Variants in CNGB3 observed in about 807,000 individuals in gnomAD.
The protein encoded by CNGB3 is cyclic nucleotide-gated channel beta-3.
In CNGB3, 86 loss-of-function variants were observed where a neutral mutation model predicts 92.8. That is an observed-to-expected ratio of 0.93 (90% CI 0.78 to 1.11). CNGB3 has a LOEUF of 1.11. Among genes scored for constraint, CNGB3 ranks in the 50% least tolerant of loss-of-function variants. CNGB3 has a pLI of 0.00. For synonymous variants in CNGB3, 333 were observed against 332.7 expected, an observed-to-expected ratio of 1.00 and a Z score of -0.01; for missense variants, 1,026 against 956.8, an observed-to-expected ratio of 1.07 and a Z score of -0.95.
rs112531647 is a variant in CNGB3, at chr8:86,740,697, C to T, written c.130-961G>A. 5.1e-3 allele frequency among the ~76,000 whole-genome samples: 778 copies of T among 152,208 alleles called. 4 individuals are homozygous for T. The highest frequency in any genetic ancestry group is 0.018 in the African/African-American group (738 of 41,518). ...TTATAAGCCTTGTGTTTCATAGAAG[C>T]ATTTTAAACTAAAAAATAAATTAAT... is the stretch of plus-strand genomic sequence containing the variant. On this transcript the variant is annotated intron_variant, in intron 1 of 17. Coordinates refer to ENST00000320005, the MANE Select transcript of CNGB3 (RefSeq NM_019098.5).
chr8:86,604,307 TAA>T, intron 14 of CNGB3, 96 bp from the exon 15 acceptor site: 1 of 786,450 alleles, frequency 1.3e-6, no homozygotes, highest in Non-Finnish European at 2.1e-6. Flanking sequence ...GGAGTAAATA[TAA>T]ATGAAGGAAG....
intron 3 of CNGB3, among the ~76,000 whole-genome samples, chr8:86,677,341 G>T (rs1054043053): frequency 3.3e-5 from 5 of 152,214 alleles, no homozygotes; most frequent in African/African-American, 9.6e-5. Context: ...AGTTGTAAGA[G>T]AAATAGCAAT....
chr8:86,618,308 CT>C (rs1468617942), intron 13 of CNGB3, among the ~76,000 whole-genome samples: 1 of 152,144 alleles, frequency 6.6e-6, no homozygotes, highest in African/African-American at 2.4e-5. Flanking sequence ...GTGGGGACCC[CT>C]GATCTAATCA....
chr8:86,660,035 A>T, intron 6 of CNGB3: 1 of 336,442 alleles, frequency 3.0e-6, no homozygotes, highest in Non-Finnish European at 6.1e-6. Context: ...CATGCTAGTG[A>T]GACTGGCACC....
chr8:86,643,187 T>C (rs1035729442), intron 10 of CNGB3, among the ~76,000 whole-genome samples: 3 of 151,268 alleles, frequency 2.0e-5, no homozygotes, highest in African/African-American at 7.3e-5. Context: ...TTTAAAAATG[T>C]ATTGACTTAC....
In CNGB3 at chr8:86,743,367, C is replaced by T. The variant is rs540552828; in HGVS notation, c.129+132G>A. Reference sequence around the variant, plus strand: ...ATATATAAATTAATGAAGATAAGCCCGACACAGTACATGTACCAGATGGTG... The same window carrying T: ...ATATATAAATTAATGAAGATAAGCCTGACACAGTACATGTACCAGATGGTG... On this transcript the variant is annotated intron_variant, in intron 1 of 17. Coordinates refer to ENST00000320005, the MANE Select transcript of CNGB3 (RefSeq NM_019098.5). The T allele has an allele frequency of 3.0e-5, 29 of 966,404 alleles. No homozygotes were observed. The African/African-American group carries it at 3.2e-4, about 11-fold the overall frequency. 59.9% of individuals were successfully genotyped at this position (966,404 alleles called of 1,614,324 possible).
At chr8:86,635,236 G>A (rs1005213359) in intron 10 of CNGB3, among the ~76,000 whole-genome samples, 1 of 151,870 alleles carries the variant, frequency 6.6e-6, no homozygotes, top group African/African-American at 2.4e-5. Flanking sequence ...TTGGTCACCG[G>A]TTTTGGACCT....
rs778832930 is a variant in CNGB3 at position 86,726,554 on chromosome 8, G to A, written c.315C>T (p.Asp105=). Reference sequence around the variant, plus strand: ...ACCTGTTTGGACCTTCTTTCCCGGGGTCCATTTCCTTCTGCTCTGGCACTG... The same window carrying A: ...ACCTGTTTGGACCTTCTTTCCCGGGATCCATTTCCTTCTGCTCTGGCACTG... ...TGTVPEQKEM[D]PGKEGPNSPQ... is the part of the protein sequence containing the mutation. The change falls in exon 3 of 18, where the codon GAC becomes GAT. Residue 105 remains aspartate, a synonymous_variant. Coordinates refer to ENST00000320005, the MANE Select transcript of CNGB3 (RefSeq NM_019098.5). The A allele has an allele frequency of 1.9e-6, 3 of 1,613,732 alleles. No homozygotes were observed. Among genetic ancestry groups the A allele is most frequent in the East Asian group, 4.5e-5 (2 of 44,878 alleles).
chr8:86,694,284 T>C (rs1824394707), intron 3 of CNGB3, among the ~76,000 whole-genome samples: 1 of 140,812 alleles, frequency 7.1e-6, no homozygotes, highest in Non-Finnish European at 1.5e-5. Context: ...GCTCCTCACT[T>C]CCCAGTAGGG....
At chr8:86,677,179 A>G (rs1365528679) in intron 3 of CNGB3, among the ~76,000 whole-genome samples, 1 of 152,214 alleles carries the variant, frequency 6.6e-6, no homozygotes, top group Non-Finnish European at 1.5e-5. Context: ...CCTTGAATTC[A>G]GGCTTCTAGC....
In CNGB3 at chr8:86,700,670, G is replaced by T. The variant is rs566094640; in HGVS notation, c.338+25861C>A. ...TTTTTATTTTTTGAGACAGAGTCTTGCTCTGACACCCAGGCTGGAGTGCAG... is the reference window on the plus strand; with the variant it reads ...TTTTTATTTTTTGAGACAGAGTCTTTCTCTGACACCCAGGCTGGAGTGCAG... On this transcript the variant is annotated intron_variant, in intron 3 of 17. Transcript: ENST00000320005. 2.4e-4 allele frequency among the ~76,000 whole-genome samples: 36 copies of T among 152,234 alleles called. No homozygotes were observed. In the East Asian group the frequency reaches 6.4e-3, roughly 27 times the overall value.
chr8:86,653,906 T>C, intron 7 of CNGB3, 106 bp downstream of exon 7: 1 of 811,428 alleles, frequency 1.2e-6, no homozygotes, highest in South Asian at 1.4e-5. Flanking sequence ...CATTGTCTAA[T>C]AAAACTTCGT....
chr8:86,677,811 A>C (rs1824004786), intron 3 of CNGB3, among the ~76,000 whole-genome samples: 1 of 152,188 alleles, frequency 6.6e-6, no homozygotes, highest in African/African-American at 2.4e-5. Flanking sequence ...GAGATATGTA[A>C]TGCCATCAAA....
intron 6 of CNGB3, chr8:86,660,899 G>A: frequency 3.0e-6 from 1 of 336,646 alleles, no homozygotes; most frequent in South Asian, 2.6e-5. Context: ...TTCTTCCCAG[G>A]CCTCTTAAGA....
intron 15 of CNGB3, among the ~76,000 whole-genome samples, chr8:86,593,016 G>A (rs1303687316): frequency 2.0e-5 from 3 of 152,172 alleles, no homozygotes; most frequent in Admixed American, 6.5e-5. Context: ...TTTGATCTTT[G>A]CAGATACTTT....
At chr8:86,660,921 C>T (rs1250843992) in intron 6 of CNGB3, 1 of 292,690 alleles carries the variant, frequency 3.4e-6, no homozygotes, top group East Asian at 8.9e-5. Context: ...ATACTCCTAC[C>T]CCAGAAAAGG....
chr8:86,622,885 C>A (rs1465184627), intron 13 of CNGB3, among the ~76,000 whole-genome samples: 1 of 152,140 alleles, frequency 6.6e-6, no homozygotes, highest in East Asian at 1.9e-4. Context: ...AAAACCACAT[C>A]TTTTATATGA....
chr8:86,588,767 A>G (rs1201448301), intron 15 of CNGB3, among the ~76,000 whole-genome samples: 6 of 149,604 alleles, frequency 4.0e-5, no homozygotes, highest in African/African-American at 1.2e-4. Flanking sequence ...TTTTTGCATC[A>G]ATGTTCATCA....
At position 86,578,794 on chromosome 8, in the gene CNGB3, G is replaced by A; in HGVS notation, c.1998C>T (p.Phe666=). ...GTTTGGGTGTCTCTTCTTTCGGTGG[G>A]AAGAGGAGGGCAAGATCTTTTCTTG... ...TPPRKDLALL[F]PPKEETPKLF... Residue 666 remains phenylalanine, a synonymous_variant, in exon 17 of 18, where the codon TTC becomes TTT. Coordinates refer to ENST00000320005, the MANE Select transcript of CNGB3 (RefSeq NM_019098.5). 2 of 1,614,092 alleles carry A rather than the reference G, an allele frequency of 1.2e-6. No homozygotes were observed. Among genetic ancestry groups the A allele is most frequent in the Non-Finnish European group, 1.7e-6 (2 of 1,180,004 alleles).
Sources: allele counts gnomAD v4.1 joint callset (sites outside exome capture counted in the v4.1 genomes callset), GRCh38; gene constraint gnomAD v4.1.1; transcripts MANE v1.5; gene names NCBI Gene and HGNC (gene_info 2026-07-23, HGNC 2026-07-21).